ERMP1: variants seen among roughly 807,000 people sequenced by gnomAD.
The protein encoded by ERMP1 is Felix-ina.
In ERMP1, 86 loss-of-function variants were observed where a neutral mutation model predicts 92.0. The ratio of observed to expected loss-of-function variants is 0.93; its 90% CI spans 0.79 to 1.12. ERMP1 has a LOEUF of 1.12. Among genes scored for constraint, ERMP1 ranks in the 50% most tolerant of loss-of-function variants. The probability of loss-of-function intolerance (pLI) is 0.00; values close to 1 mark genes in which losing one functional copy is unlikely to be tolerated. For missense variants in ERMP1, 1,342 were observed against 1,116.3 expected, an observed-to-expected ratio of 1.20 and a Z score of -2.88; for synonymous variants, 530 against 412.8, an observed-to-expected ratio of 1.28 and a Z score of -3.44.
intron 1 of ERMP1, chr9:5,832,308 A>G (rs1170357059): frequency 5.4e-6 from 1 of 186,808 alleles, no homozygotes; most frequent in African/African-American, 2.3e-5. Context: ...GCGAATTTAT[A>G]CAACAGTCTA....
chr9:5,824,790 C>T (rs1829673464), intron 3 of ERMP1, among the ~76,000 whole-genome samples: 1 of 152,184 alleles, frequency 6.6e-6, no homozygotes, highest in African/African-American at 2.4e-5. Context: ...TGTCTCAAAA[C>T]ATCTCTGAAA....
intron 1 of ERMP1, among the ~76,000 whole-genome samples, chr9:5,832,085 T>TA (rs71487835): frequency 0.044 from 5,960 of 135,728 alleles, 138 homozygotes; most frequent in African/African-American, 0.064. Flanking sequence ...TTAAAGGTCT[T>TA]AAAAAAAAAA....
chr9:5,797,950 T>C lies in ERMP1; in HGVS notation c.2271-18A>G, dbSNP rs369533568. 57 of 1,524,526 alleles carry C rather than the reference T, an allele frequency of 3.7e-5. No homozygotes were observed. The African/African-American group carries it at 6.6e-4, about 18-fold the overall frequency. 94.4% of individuals were successfully genotyped at this position (1,524,526 alleles called of 1,614,324 possible). A position where few individuals can be genotyped will look rare whatever the true frequency, so the allele number is the denominator to read the frequency against. On this transcript the variant is annotated intron_variant, in intron 12 of 14. Transcript: ENST00000339450. Reference sequence around the variant, plus strand: ...AGTTTTTCCTATTTAGAAAGGAAGCTTCAGTTTTAGGGTGCTTTATTATTT... The same window carrying C: ...AGTTTTTCCTATTTAGAAAGGAAGCCTCAGTTTTAGGGTGCTTTATTATTT...
chr9:5,843,730 G>A (rs889112597), intron 6 of ERMP1, among the ~76,000 whole-genome samples: 3 of 151,904 alleles, frequency 2.0e-5, no homozygotes, highest in Admixed American at 6.6e-5. Flanking sequence ...ATGCAGAGCC[G>A]AAGATCTCTG....
At chr9:5,833,260 C>T, upstream of ERMP1, 1 of 475,258 alleles carries the variant, frequency 2.1e-6, no homozygotes, top group Non-Finnish European at 3.7e-6. Context: ...TGCCGTCTCC[C>T]GCAGGGCTTT....
intron 3 of ERMP1, among the ~76,000 whole-genome samples, chr9:5,824,830 T>A (rs1829674906): frequency 6.6e-6 from 1 of 152,082 alleles, no homozygotes; most frequent in African/African-American, 2.4e-5. Flanking sequence ...CTGAGGAGAG[T>A]AATTATGCCA....
intron 12 of ERMP1, among the ~76,000 whole-genome samples, chr9:5,798,162 T>G (rs968113762): frequency 6.6e-6 from 1 of 152,126 alleles, no homozygotes; most frequent in African/African-American, 2.4e-5. Flanking sequence ...CCCATCCTAT[T>G]TCTTCTCATC....
At chr9:5,831,182 A>T (rs1829925027) in intron 1 of ERMP1, among the ~76,000 whole-genome samples, 154 bp from the exon 2 acceptor site, 1 of 152,198 alleles carries the variant, frequency 6.6e-6, no homozygotes, top group South Asian at 2.1e-4. Flanking sequence ...ACACCAAGTG[A>T]ACATCACTTA....
At chr9:5,801,121 A>G (rs3824444) in intron 11 of ERMP1, 55 bp downstream of exon 11, 519,824 of 1,554,600 alleles carry the variant, frequency 0.33, 94,827 homozygotes, top group East Asian at 0.77. Context: ...ACTGAAGCTC[A>G]AAACACACAG....
At chr9:5,810,688 G>A (rs982126595) in intron 7 of ERMP1, among the ~76,000 whole-genome samples, 6 of 152,156 alleles carry the variant, frequency 3.9e-5, no homozygotes, top group East Asian at 1.9e-4. Flanking sequence ...ATTTTATCTC[G>A]TAACAGCACA....
chr9:5,834,166 A>T (rs1322072284), upstream of ERMP1, among the ~76,000 whole-genome samples: 1 of 152,202 alleles, frequency 6.6e-6, no homozygotes, highest in African/African-American at 2.4e-5. Flanking sequence ...CCTCTTTCAA[A>T]GACTTCCTGC....
chr9:5,805,650 G>C lies in ERMP1; in HGVS notation c.1684C>G (p.Leu562Val). Residue 562 changes from leucine (L) to valine (V), a missense_variant, in exon 9 of 15, where the codon CTC (leucine) becomes GTC (valine). Physicochemically the swap from Leu to Val is conservative, Grantham distance 32. Transcript: ENST00000339450. ...TCCTTATGCACACAGAGCTTTGTGA[G>C]CAATGGGAATGCTACCCAGACAGCA... is the stretch of plus-strand genomic sequence containing the variant. ...ISAVWVAFPL[L>V]TKLCVHKDFK... The C allele has an allele frequency of 6.2e-7, 1 of 1,608,856 alleles. No homozygotes were observed. The highest frequency in any genetic ancestry group is 1.1e-5 in the South Asian group (1 of 90,192).
intron 10 of ERMP1, among the ~76,000 whole-genome samples, chr9:5,801,979 G>A (rs564590754): frequency 1.3e-5 from 2 of 152,220 alleles, no homozygotes; most frequent in East Asian, 1.9e-4. Flanking sequence ...TAATGAAATC[G>A]CTGAACTAAA....
intron 5 of ERMP1, among the ~76,000 whole-genome samples, chr9:5,860,058 G>C (rs866798919): frequency 6.6e-6 from 1 of 151,712 alleles, no homozygotes; most frequent in Non-Finnish European, 1.5e-5. Flanking sequence ...TCAGCACTTT[G>C]AGAGGCTAAG....
At chr9:5,836,627 A>G (rs547098713), upstream of ERMP1, among the ~76,000 whole-genome samples, 1 of 152,214 alleles carries the variant, frequency 6.6e-6, no homozygotes, top group African/African-American at 2.4e-5. Context: ...CAGTTTTTTT[A>G]GGTTTTTGTT....
intron 6 of ERMP1, among the ~76,000 whole-genome samples, chr9:5,839,137 G>A (rs1474746817): frequency 6.6e-6 from 1 of 152,172 alleles, no homozygotes; most frequent in Admixed American, 6.5e-5. Flanking sequence ...TCTCCAGCCT[G>A]TATTCCTCAA....
At chr9:5,822,485 G>C (rs1248656713) in intron 4 of ERMP1, among the ~76,000 whole-genome samples, 1 of 152,122 alleles carries the variant, frequency 6.6e-6, no homozygotes, top group African/African-American at 2.4e-5. Context: ...ATTAAAATAA[G>C]TTTGATGGAG....
chr9:5,793,319 A>C (rs1828282298), intron 13 of ERMP1, among the ~76,000 whole-genome samples: 1 of 152,150 alleles, frequency 6.6e-6, no homozygotes, highest in African/African-American at 2.4e-5. Context: ...AGGAGAGAAA[A>C]CCACATCATA....
chr9:5,835,988 G>T (rs12000400), upstream of ERMP1, among the ~76,000 whole-genome samples: 1,424 of 152,334 alleles, frequency 9.3e-3, 26 homozygotes, highest in African/African-American at 0.032. Flanking sequence ...GGTTGTGGCT[G>T]CCCCGTCTGG....
Sources: allele counts gnomAD v4.1 joint callset (sites outside exome capture counted in the v4.1 genomes callset), GRCh38; gene constraint gnomAD v4.1.1; transcripts MANE v1.5; gene names NCBI Gene and HGNC (gene_info 2026-07-23, HGNC 2026-07-21).